RASGRF1: variants seen among roughly 807,000 people sequenced by gnomAD.
RASGRF1 encodes ras-specific guanine nucleotide-releasing factor 1.
A neutral mutation model predicts 138.7 loss-of-function variants in RASGRF1; 40 were observed. The ratio of observed to expected loss-of-function variants is 0.29; its 90% CI spans 0.22 to 0.38. The LOEUF (loss-of-function observed/expected upper bound fraction) is 0.38, where lower values mean the gene tolerates loss of function less well. Among genes scored for constraint, RASGRF1 ranks in the 10% least tolerant of loss-of-function variants. RASGRF1 has a pLI of 1.00. For synonymous variants in RASGRF1, 614 were observed against 663.2 expected, an observed-to-expected ratio of 0.93 and a Z score of 1.14; for missense variants, 1,108 against 1,650.4, an observed-to-expected ratio of 0.67 and a Z score of 5.69.
chr15:79,004,634 G>T (rs1013567932), intron 14 of RASGRF1: 1 of 987,648 alleles, frequency 1.0e-6, no homozygotes, highest in Non-Finnish European at 1.2e-6. Flanking sequence ...TACTCTAAAC[G>T]CAGGGTCCTT....
rs146718030 is a variant in RASGRF1 at position 79,090,274 on chromosome 15, G to T, written c.225C>A (p.Arg75=). ...LYLLEGCVCD[R]APSPKPALSA... ...ACAGCGCCGGCTTGGGGGAGGGCGC[G>T]CGGTCGCAGACGCAGCCCTCCAGCA... Residue 75 remains arginine, a synonymous_variant, in exon 1 of 27, where the codon CGC becomes CGA. Transcript: ENST00000558480. The T allele has an allele frequency of 8.7e-6, 14 of 1,611,564 alleles. No homozygotes were observed. In the African/African-American group the frequency reaches 1.1e-4, roughly 12 times the overall value.
intron 23 of RASGRF1, among the ~76,000 whole-genome samples, chr15:78,983,912 G>T (rs1385345542): frequency 1.3e-5 from 2 of 152,176 alleles, no homozygotes; most frequent in African/African-American, 4.8e-5. Context: ...GGGTTGTAAT[G>T]GGGTGTCCCT....
intron 22 of RASGRF1, 84 bp downstream of exon 22, chr15:78,990,105 T>C (rs1466096631): frequency 2.7e-6 from 3 of 1,126,744 alleles, no homozygotes; most frequent in Non-Finnish European, 2.7e-6. Context: ...TCCAGCCAGG[T>C]GTATAGCCCG....
In RASGRF1 at chr15:78,973,236, T is replaced by C; in HGVS notation, c.3612+67A>G. 1 of 1,313,298 alleles carries C rather than the reference T, an allele frequency of 7.6e-7. No homozygotes were observed. The highest frequency in any genetic ancestry group is 1.5e-5 in the African/African-American group (1 of 68,042). The allele number at this position is 1,313,298 out of a possible 1,614,324, so 81.4% of individuals were successfully genotyped here. ...TGGGCCTTGGGGGGCAGAGTGTGGGTGGGCCCCAGGTTGAGTCATCTGGGC... is the reference window on the plus strand; with the variant it reads ...TGGGCCTTGGGGGGCAGAGTGTGGGCGGGCCCCAGGTTGAGTCATCTGGGC... On this transcript the variant is annotated intron_variant, in intron 25 of 26. Coordinates refer to ENST00000558480, the MANE Select transcript of RASGRF1 (RefSeq NM_001145648.3). The surrounding 1 kb of genome is among the most constrained non-coding windows in gnomAD (Gnocchi z 4.9).
At chr15:79,005,357 G>C (rs2056647191) in intron 14 of RASGRF1, 1 of 985,312 alleles carries the variant, frequency 1.0e-6, no homozygotes, top group Non-Finnish European at 1.2e-6. Flanking sequence ...CCCTAGAGCT[G>C]AGGCTCTGGC....
At chr15:78,999,333 G>C (rs1450949989) in intron 17 of RASGRF1, among the ~76,000 whole-genome samples, 1 of 152,136 alleles carries the variant, frequency 6.6e-6, no homozygotes, top group Non-Finnish European at 1.5e-5. Flanking sequence ...ATGGAAGTTT[G>C]GGGGAAGGAT....
At chr15:79,072,290 T>TTTTTTTTTTTTTTTA (rs1447269434) in intron 1 of RASGRF1, among the ~76,000 whole-genome samples, 4 of 132,784 alleles carry the variant, frequency 3.0e-5, no homozygotes, top group South Asian at 4.8e-4. Flanking sequence ...TTTTTTTTTT[T>TTTTTTTTTTTTTTTA]TTTGAGACGC....
At chr15:79,039,494 CTGTT>C (rs2057267820) in intron 5 of RASGRF1, among the ~76,000 whole-genome samples, 1 of 151,928 alleles carries the variant, frequency 6.6e-6, no homozygotes. Context: ...AGAACATTAT[CTGTT>C]TGTATGCATT....
intron 14 of RASGRF1, among the ~76,000 whole-genome samples, chr15:79,005,832 CT>C (rs1266020658): frequency 4.1e-5 from 6 of 146,122 alleles, no homozygotes; most frequent in Non-Finnish European, 9.0e-5. Flanking sequence ...TTTCCTTTCT[CT>C]TTTTTCACCA....
rs535504050 is a variant in RASGRF1, at chr15:79,032,186, G to A, written c.1089C>T (p.Tyr363=). The change falls in exon 7 of 27, where the codon TAC becomes TAT. Residue 363 remains tyrosine (Y), a synonymous_variant. Coordinates refer to ENST00000558480, the MANE Select transcript of RASGRF1 (RefSeq NM_001145648.3). This position sits in a 1 kb window ranked among gnomAD's most constrained non-coding sequence, Gnocchi z 4.5. Reference sequence around the variant, plus strand: ...TCTCCTCGCAGTCAGGCTTGGCCTCGTAGTGCTTCAGCAGCTTGTCGAAGT... The same window carrying A: ...TCTCCTCGCAGTCAGGCTTGGCCTCATAGTGCTTCAGCAGCTTGTCGAAGT... The part of the protein sequence containing the change: ...NRDFDKLLKH[Y]EAKPDCEERT... The A allele has an allele frequency of 9.9e-6, 16 of 1,614,010 alleles. No individual in the cohort carries two copies. The highest frequency in any genetic ancestry group is 5.5e-5 in the South Asian group (5 of 91,090).
chr15:79,024,682 G>A (rs1467258514), intron 10 of RASGRF1, among the ~76,000 whole-genome samples: 1 of 152,158 alleles, frequency 6.6e-6, no homozygotes, highest in African/African-American at 2.4e-5. Flanking sequence ...TCTCCTTCCT[G>A]CTGCCATGTA....
chr15:79,030,852 C>T lies in RASGRF1; in HGVS notation c.1262+548G>A, dbSNP rs561247185. On this transcript the variant is annotated intron_variant, in intron 8 of 26. Transcript: ENST00000558480. ...GGGTGCTGCAAGAGCCCCCTCCGTG[C>T]TCCCCTGTGTCTGCCCTTGCAGAGG... 2.0e-5 allele frequency among the ~76,000 whole-genome samples: 3 copies of T among 152,374 alleles called. No individual in the cohort carries two copies. The East Asian group carries it at 5.8e-4, about 29-fold the overall frequency.
intron 26 of RASGRF1, among the ~76,000 whole-genome samples, chr15:78,967,491 G>A (rs927620771): frequency 6.6e-6 from 1 of 152,150 alleles, no homozygotes; most frequent in Non-Finnish European, 1.5e-5. Context: ...CGAGGCTACA[G>A]TGAGCCAAGA....
chr15:79,052,629 AC>A (rs2057448298), intron 3 of RASGRF1, among the ~76,000 whole-genome samples: 1 of 152,234 alleles, frequency 6.6e-6, no homozygotes, highest in South Asian at 2.1e-4. Context: ...AGAGCTGTGT[AC>A]CCACTGCCAT....
At chr15:79,047,068 G>T in intron 4 of RASGRF1, 69 bp from the exon 5 acceptor site, 2 of 1,562,482 alleles carry the variant, frequency 1.3e-6, no homozygotes. Context: ...CTTCCAGGCT[G>T]TGAGCTCCCC....
At position 79,058,444 on chromosome 15, in the gene RASGRF1, G is replaced by T; in HGVS notation, c.421C>A (p.Gln141Lys). The T allele has an allele frequency of 1.2e-6, 2 of 1,614,208 alleles. No individual in the cohort carries two copies. Among genetic ancestry groups the T allele is most frequent in the South Asian group, 1.1e-5 (1 of 91,086 alleles). The change falls in exon 3 of 27, where the codon CAG (glutamine) becomes AAG (lysine). Residue 141 changes from glutamine (Q) to lysine (K), a missense_variant. Physicochemically the swap from Gln to Lys is moderately conservative, Grantham distance 53. Coordinates refer to ENST00000558480, the MANE Select transcript of RASGRF1 (RefSeq NM_001145648.3). The part of the protein sequence containing the change: ...TLATEHEALM[Q>K]KYLHLLQIVE... ...ATCTGCAGCAGGTGCAGGTATTTCTGCATTAATGCCTCATGCTCTGTGGCG... is the reference window on the plus strand; with the variant it reads ...ATCTGCAGCAGGTGCAGGTATTTCTTCATTAATGCCTCATGCTCTGTGGCG...
At chr15:79,051,143 TTC>T (rs983187046) in intron 3 of RASGRF1, among the ~76,000 whole-genome samples, 4 of 152,228 alleles carry the variant, frequency 2.6e-5, no homozygotes, top group African/African-American at 9.6e-5. Context: ...CCCAGTGCTG[TTC>T]TCTCTTGGGA....
chr15:78,962,350 G>T, intron 26 of RASGRF1, 114 bp from the exon 27 acceptor site: 2 of 699,618 alleles, frequency 2.9e-6, no homozygotes, highest in Non-Finnish European at 4.8e-6. Flanking sequence ...GAGTCAGGTG[G>T]GCATATGAGG....
Position 79,017,791 on chromosome 15 carries a change from C to T in RASGRF1, c.1722G>A (p.Ala574=), listed in dbSNP as rs761993844. 1.5e-5 allele frequency: 24 copies of T among 1,610,834 alleles called. No homozygotes were observed. Among genetic ancestry groups the T allele is most frequent in the East Asian group, 2.2e-5 (1 of 44,782 alleles). ...LVASSRQEKA[A]WTSDISQCVD... is the part of the protein sequence containing the mutation. Reference sequence around the variant, plus strand: ...TCACCTGGCTGATGTCACTGGTCCACGCTGCCTTCTCCTGTCTGGACGAGG... The same window carrying T: ...TCACCTGGCTGATGTCACTGGTCCATGCTGCCTTCTCCTGTCTGGACGAGG... The change falls in exon 12 of 27, where the codon GCG becomes GCA. Residue 574 remains alanine (A), a synonymous_variant. Coordinates refer to ENST00000558480, the MANE Select transcript of RASGRF1 (RefSeq NM_001145648.3).
Sources: allele counts gnomAD v4.1 joint callset (sites outside exome capture counted in the v4.1 genomes callset), GRCh38; gene constraint gnomAD v4.1.1; non-coding constraint Gnocchi (gnomAD v3.1); transcripts MANE v1.5; gene names NCBI Gene and HGNC (gene_info 2026-07-23, HGNC 2026-07-21).